Variants in STARD13 observed in about 807,000 individuals in gnomAD.
STARD13 encodes stAR-related lipid transfer protein 13.
Under a neutral mutation model 106.4 loss-of-function variants are expected in STARD13, and 62 were observed. That is an observed-to-expected ratio of 0.58 (90% CI 0.48 to 0.72). The LOEUF is 0.72. STARD13 is among the 30% of genes least tolerant of loss of function. The pLI is 0.00. For synonymous variants in STARD13, 565 were observed against 553.0 expected, an observed-to-expected ratio of 1.02 and a Z score of -0.31; for missense variants, 1,387 against 1,424.0, an observed-to-expected ratio of 0.97 and a Z score of 0.42.
chr13:33,465,198 CTTCT>C, the STARD13 span, among the ~76,000 whole-genome samples: 1 of 140,218 alleles, frequency 7.1e-6, no homozygotes, highest in Admixed American at 7.1e-5. Context: ...AATTGGTCTT[CTTCT>C]TTTTTTTTTT....
chr13:33,649,650 A>G, the STARD13 span, among the ~76,000 whole-genome samples: 4 of 152,256 alleles, frequency 2.6e-5, no homozygotes, highest in African/African-American at 9.6e-5. Flanking sequence ...TCCATCCATT[A>G]CCTTTCCTCA....
At chr13:33,144,176 A>G (rs1356344730) in intron 3 of STARD13, among the ~76,000 whole-genome samples, 1 of 152,192 alleles carries the variant, frequency 6.6e-6, no homozygotes, top group South Asian at 2.1e-4. Flanking sequence ...CAGCCCAGGC[A>G]TCTCATCTGA....
At chr13:33,616,091 C>T in the STARD13 span, among the ~76,000 whole-genome samples, 1 of 148,890 alleles carries the variant, frequency 6.7e-6, no homozygotes. Context: ...CATTTCTTGA[C>T]AGAATTAGAT....
chr13:33,224,950 C>T (rs142867650), intron 1 of STARD13, among the ~76,000 whole-genome samples: 48 of 152,096 alleles, frequency 3.2e-4, no homozygotes, highest in African/African-American at 1.1e-3. Flanking sequence ...GACAGTAAAA[C>T]CTGAATATTT....
At chr13:33,603,632 G>C in the STARD13 span, among the ~76,000 whole-genome samples, 2 of 151,820 alleles carry the variant, frequency 1.3e-5, no homozygotes, top group Admixed American at 1.3e-4. Context: ...TAAACATCAG[G>C]AACTCCCCTA....
At chr13:33,259,867 G>A (rs1451881014) in intron 1 of STARD13, among the ~76,000 whole-genome samples, 1 of 151,858 alleles carries the variant, frequency 6.6e-6, no homozygotes, top group Non-Finnish European at 1.5e-5. Flanking sequence ...ATTCCCACAT[G>A]TCATGGGAGG....
the STARD13 span, among the ~76,000 whole-genome samples, chr13:33,573,034 G>A: frequency 5.9e-5 from 9 of 152,088 alleles, no homozygotes; most frequent in African/African-American, 9.7e-5. Flanking sequence ...AAGAAATCAT[G>A]GCTTGGTGGC....
chr13:33,596,078 A>G, the STARD13 span, among the ~76,000 whole-genome samples: 1 of 152,128 alleles, frequency 6.6e-6, no homozygotes, highest in Non-Finnish European at 1.5e-5. Flanking sequence ...CCAATATGTG[A>G]TTTCATAGTT....
chr13:33,667,587 C>A, the STARD13 span, among the ~76,000 whole-genome samples: 1 of 152,180 alleles, frequency 6.6e-6, no homozygotes, highest in African/African-American at 2.4e-5. Flanking sequence ...TTCTAAGACA[C>A]CATCCTCTGT....
the STARD13 span, among the ~76,000 whole-genome samples, chr13:33,499,615 T>TCCTC: frequency 1.2e-5 from 1 of 84,554 alleles, no homozygotes; most frequent in Non-Finnish European, 2.4e-5. Flanking sequence ...TTCTTCTTCT[T>TCCTC]CTTCTTCTTC....
chr13:33,342,091 G>A (rs185141715), intron 1 of STARD13, among the ~76,000 whole-genome samples: 1 of 152,256 alleles, frequency 6.6e-6, no homozygotes. Flanking sequence ...CACTCTGCCA[G>A]GCCACAAATA....
intron 1 of STARD13, among the ~76,000 whole-genome samples, chr13:33,338,809 C>T (rs895585146): frequency 2.7e-5 from 4 of 147,732 alleles, no homozygotes; most frequent in Non-Finnish European, 4.4e-5. Flanking sequence ...TGTTTGAACC[C>T]GGGAGGCAGA....
the STARD13 span, among the ~76,000 whole-genome samples, chr13:33,429,808 A>G: frequency 6.6e-6 from 1 of 152,078 alleles, no homozygotes; most frequent in African/African-American, 2.4e-5. Flanking sequence ...ATGAGGATTA[A>G]TGGATACAAA....
At chr13:33,436,812 T>A in the STARD13 span, among the ~76,000 whole-genome samples, 1 of 152,214 alleles carries the variant, frequency 6.6e-6, no homozygotes, top group South Asian at 2.1e-4. Context: ...TCTCTTTTAC[T>A]TTGGGTTTCA....
intron 1 of STARD13, among the ~76,000 whole-genome samples, chr13:33,203,138 T>C (rs1887166320): frequency 6.6e-6 from 1 of 152,162 alleles, no homozygotes; most frequent in African/African-American, 2.4e-5. Flanking sequence ...AAGAGCACAG[T>C]TGAATGGCGT....
the STARD13 span, among the ~76,000 whole-genome samples, chr13:33,457,736 G>T: frequency 6.6e-6 from 1 of 152,180 alleles, no homozygotes; most frequent in African/African-American, 2.4e-5. Flanking sequence ...AAGGGGCAGG[G>T]ATCTTTTTGG....
intron 4 of STARD13, among the ~76,000 whole-genome samples, chr13:33,133,085 T>C (rs879452589): frequency 6.6e-6 from 1 of 152,208 alleles, no homozygotes; most frequent in Non-Finnish European, 1.5e-5. Context: ...GATATGACTT[T>C]AAAGAAAATA....
the STARD13 span, among the ~76,000 whole-genome samples, chr13:33,530,803 T>C: frequency 6.6e-6 from 1 of 152,366 alleles, no homozygotes; most frequent in African/African-American, 2.4e-5. Context: ...TTAATTCTTT[T>C]TTCATCTATG....
At chr13:33,350,953 A>G (rs1271392108), upstream of STARD13, among the ~76,000 whole-genome samples, 2 of 151,964 alleles carry the variant, frequency 1.3e-5, no homozygotes, top group Non-Finnish European at 2.9e-5. Flanking sequence ...AACTACAACA[A>G]CAACAACAAA....
Sources: allele counts gnomAD v4.1 joint callset (sites outside exome capture counted in the v4.1 genomes callset), GRCh38; gene constraint gnomAD v4.1.1; transcripts MANE v1.5; gene names NCBI Gene and HGNC (gene_info 2026-07-23, HGNC 2026-07-21).